TGFBR3: variants seen among roughly 807,000 people sequenced by gnomAD.
The protein encoded by TGFBR3 is transforming growth factor beta receptor 3, also known as transforming growth factor beta receptor type 3.
A neutral mutation model predicts 87.9 loss-of-function variants in TGFBR3; 46 were observed. The observed-to-expected ratio is 0.52, with a 90% CI of 0.41 to 0.67. TGFBR3 has a LOEUF of 0.67. Ranked by LOEUF, TGFBR3 falls within the 30% of genes least tolerant of loss-of-function variation. TGFBR3 has a pLI of 0.00. For missense variants in TGFBR3, 866 were observed against 1,041.9 expected (o/e 0.83, Z 2.32); for synonymous variants, 381 against 391.6 (o/e 0.97, Z 0.32).
chr1:91,775,911 T>G (rs1674550704), intron 3 of TGFBR3, among the ~76,000 whole-genome samples: 1 of 152,212 alleles, frequency 6.6e-6, no homozygotes, highest in Non-Finnish European at 1.5e-5. Context: ...TCTGTTTTGC[T>G]AAAGGGCAAA....
chr1:91,719,648 C>T (rs976893727), intron 9 of TGFBR3, among the ~76,000 whole-genome samples, 184 bp from the exon 10 acceptor site: 2 of 152,160 alleles, frequency 1.3e-5, no homozygotes, highest in African/African-American at 4.8e-5. Flanking sequence ...TATCTGTTGG[C>T]CTTGGAAATT....
At chr1:91,855,127 C>T (rs1242471422) in intron 2 of TGFBR3, among the ~76,000 whole-genome samples, 1 of 152,176 alleles carries the variant, frequency 6.6e-6, no homozygotes, top group Non-Finnish European at 1.5e-5. Context: ...CTAAAAGCAT[C>T]TCGATTTTCC....
intron 4 of TGFBR3, among the ~76,000 whole-genome samples, chr1:91,748,635 G>T (rs1673428594): frequency 6.6e-6 from 1 of 152,122 alleles, no homozygotes; most frequent in South Asian, 2.1e-4. Flanking sequence ...CAGACTGGAG[G>T]CCAGAGTTAG....
intron 3 of TGFBR3, among the ~76,000 whole-genome samples, chr1:91,772,373 A>T (rs1674412726): frequency 9.4e-6 from 1 of 106,184 alleles, no homozygotes; most frequent in African/African-American, 4.0e-5. Context: ...GTACCTTTAG[A>T]TTGTTGCTGA....
intron 1 of TGFBR3, among the ~76,000 whole-genome samples, chr1:91,863,261 A>G (rs767694116): frequency 3.9e-5 from 6 of 152,228 alleles, no homozygotes; most frequent in Non-Finnish European, 5.9e-5. Flanking sequence ...GCAGGAGGCC[A>G]CTATGGTTCA....
At chr1:91,828,713 G>A (rs558013331) in intron 2 of TGFBR3, among the ~76,000 whole-genome samples, 18 of 152,224 alleles carry the variant, frequency 1.2e-4, no homozygotes, top group Non-Finnish European at 2.2e-4. Context: ...AAGTTAAGGA[G>A]TGAAAGGCTG....
intron 1 of TGFBR3, among the ~76,000 whole-genome samples, chr1:91,872,468 T>C (rs1194464896): frequency 6.6e-6 from 1 of 152,238 alleles, no homozygotes; most frequent in African/African-American, 2.4e-5. Context: ...CGTTCTCCAA[T>C]GTCCTTTTTG....
At chr1:91,899,045 T>C (rs571338891) in intron 2 of TGFBR3, among the ~76,000 whole-genome samples, 1 of 152,300 alleles carries the variant, frequency 6.6e-6, no homozygotes, top group East Asian at 1.9e-4. Context: ...GAGCAAATCA[T>C]AAATGTAAAG....
intron 4 of TGFBR3, among the ~76,000 whole-genome samples, chr1:91,746,552 A>G (rs1489456640): frequency 6.6e-6 from 1 of 152,134 alleles, no homozygotes; most frequent in Non-Finnish European, 1.5e-5. Flanking sequence ...ATTACTTGCC[A>G]TATTCCTTTA....
At chr1:91,816,067 C>G (rs1165719550) in intron 2 of TGFBR3, among the ~76,000 whole-genome samples, 2 of 152,138 alleles carry the variant, frequency 1.3e-5, no homozygotes, top group Non-Finnish European at 2.9e-5. Context: ...TTTTTCCATT[C>G]CTGGTTAAGA....
intron 3 of TGFBR3, among the ~76,000 whole-genome samples, chr1:91,764,361 G>A (rs1366248328): frequency 4.2e-5 from 6 of 142,328 alleles, no homozygotes; most frequent in African/African-American, 1.0e-4. Context: ...AGTCTGAAAC[G>A]GGATGCAGAA....
Position 91,719,953 on chromosome 1 carries a change from G to A in TGFBR3, c.1353C>T (p.Ala451=), listed in dbSNP as rs778795967. Residue 451 remains alanine, a synonymous_variant, in exon 9 of 17, where the codon GCC becomes GCT. Transcript: ENST00000212355. ...PEEVQGSVDI[A]LSVKCDNEKM... ...TCTCATTGTCACATTTGACAGACAGGGCAATATCCACGCTCCCTTGCACCT... is the reference window on the plus strand; with the variant it reads ...TCTCATTGTCACATTTGACAGACAGAGCAATATCCACGCTCCCTTGCACCT... The A allele has an allele frequency of 1.9e-6, 3 of 1,614,134 alleles. No homozygotes were observed. Among genetic ancestry groups the A allele is most frequent in the South Asian group, 2.2e-5 (2 of 91,078 alleles).
chr1:91,683,855 C>A lies in TGFBR3; in HGVS notation c.2440G>T (p.Glu814Ter), dbSNP rs751202263. ...ALWYIYSHTG[E>*]TAGRQQVPTS... ...GGGACTTGCTGCCTTCCTGCTGTCT[C>A]CCCTGCAGTTAATAAAGAAAAGGCA... Residue 814 changes from glutamate (E) to a stop codon, truncating the protein, a stop_gained and splice_region_variant, in exon 17 of 17, where the codon GAG (glutamate) becomes TAG (stop). Transcript: ENST00000212355. LOFTEE classifies it high-confidence loss of function. The A allele has an allele frequency of 3.1e-6, 5 of 1,598,032 alleles. No individual in the cohort carries two copies. Among genetic ancestry groups the A allele is most frequent in the Admixed American group, 1.7e-5 (1 of 57,840 alleles).
At chr1:91,891,097 C>T (rs1344310697), upstream of TGFBR3, among the ~76,000 whole-genome samples, 1 of 151,856 alleles carries the variant, frequency 6.6e-6, no homozygotes, top group Non-Finnish European at 1.5e-5. Context: ...GGGGTTTCAC[C>T]ATGTTGGCCA....
intron 2 of TGFBR3, among the ~76,000 whole-genome samples, chr1:91,809,940 T>C (rs1187740824): frequency 1.3e-5 from 2 of 152,158 alleles, no homozygotes; most frequent in Non-Finnish European, 2.9e-5. Context: ...TTCCAGAGCT[T>C]GTGGCAGTTA....
intron 2 of TGFBR3, among the ~76,000 whole-genome samples, chr1:91,805,047 G>T (rs1049988175): frequency 6.6e-6 from 1 of 152,210 alleles, no homozygotes; most frequent in Non-Finnish European, 1.5e-5. Flanking sequence ...TCATGAAAAG[G>T]CATGTTGCAG....
At chr1:91,806,296 T>C (rs927296161) in intron 2 of TGFBR3, among the ~76,000 whole-genome samples, 1 of 152,212 alleles carries the variant, frequency 6.6e-6, no homozygotes, top group Non-Finnish European at 1.5e-5. Flanking sequence ...CAACACAGCA[T>C]TCCAATCTCA....
At chr1:91,889,158 T>C (rs573421551), upstream of TGFBR3, among the ~76,000 whole-genome samples, 2 of 152,332 alleles carry the variant, frequency 1.3e-5, no homozygotes, top group Admixed American at 6.5e-5. Flanking sequence ...CTGCTGAGAT[T>C]ACAGGCATGA....
intron 16 of TGFBR3, among the ~76,000 whole-genome samples, chr1:91,691,128 A>T: frequency 6.6e-6 from 1 of 152,138 alleles, no homozygotes; most frequent in East Asian, 1.9e-4. Flanking sequence ...GAAAATAAAG[A>T]AAGCAGACAC....
Sources: gnomAD v4.1 joint callset for allele counts (sites outside exome capture counted in the v4.1 genomes callset) on GRCh38, gnomAD v4.1.1 for gene constraint, MANE v1.5 for transcripts, NCBI Gene and HGNC (gene_info 2026-07-23, HGNC 2026-07-21) for gene names.